Variants in B3GALT1 observed in about 807,000 individuals in gnomAD.
B3GALT1 encodes the protein beta-1,3-galactosyltransferase 1.
B3GALT1 carries 10 observed loss-of-function variants against 23.2 expected under a neutral mutation model. The observed-to-expected ratio is 0.43, with a 90% CI of 0.27 to 0.73. The LOEUF is 0.73. B3GALT1 is among the 30% of genes least tolerant of loss of function. B3GALT1 has a pLI of 0.21. For missense variants in B3GALT1, 299 were observed against 405.4 expected (o/e 0.74, Z 2.25); for synonymous variants, 156 against 141.5 (o/e 1.10, Z -0.73).
intron 4 of B3GALT1, among the ~76,000 whole-genome samples, chr2:167,855,993 A>G (rs931967768): frequency 3.3e-5 from 5 of 152,194 alleles, no homozygotes; most frequent in African/African-American, 9.6e-5. Context: ...ATGGAAAGTC[A>G]TCTCTAAAGG....
chr2:167,593,885 A>T (rs1251156456), intron 2 of B3GALT1, among the ~76,000 whole-genome samples: 4 of 152,188 alleles, frequency 2.6e-5, no homozygotes. Context: ...TATTGGACAT[A>T]TAAATTGAGG....
At chr2:167,802,930 C>G (rs1235543428) in intron 3 of B3GALT1, among the ~76,000 whole-genome samples, 1 of 151,868 alleles carries the variant, frequency 6.6e-6, no homozygotes, top group East Asian at 1.9e-4. Context: ...TTTTTTATCA[C>G]AAAGGTATAT....
chr2:167,787,222 G>A (rs975939265), intron 3 of B3GALT1, among the ~76,000 whole-genome samples: 1 of 152,306 alleles, frequency 6.6e-6, no homozygotes, highest in South Asian at 2.1e-4. Context: ...CTATGGACAA[G>A]TGACCTGACC....
At chr2:167,514,064 G>C (rs144346157) in intron 2 of B3GALT1, among the ~76,000 whole-genome samples, 2 of 151,784 alleles carry the variant, frequency 1.3e-5, no homozygotes, top group African/African-American at 2.4e-5. Flanking sequence ...CCACCACCAC[G>C]CCCAGCTAAT....
Position 167,561,682 on chromosome 2 carries a change from A to T in B3GALT1, c.-410+71405A>T, listed in dbSNP as rs569143712. ...ATCAGAGAATACTACAAACACCTCT[A>T]CGCAAATAAAGTAGAAAATCTAGAA... On this transcript the variant is annotated intron_variant, in intron 2 of 4. Transcript: ENST00000392690. Among the ~76,000 whole-genome samples, 20 of 152,368 alleles carry T rather than the reference A, an allele frequency of 1.3e-4. No homozygotes were observed. The South Asian group carries it at 1.9e-3, about 14-fold the overall frequency.
intron 1 of B3GALT1, among the ~76,000 whole-genome samples, chr2:167,457,064 CTA>C (rs1363350872): frequency 7.9e-5 from 12 of 152,138 alleles, no homozygotes; most frequent in Non-Finnish European, 1.2e-4. Context: ...GCAAAAGACA[CTA>C]TTATCACACC....
intron 2 of B3GALT1, among the ~76,000 whole-genome samples, chr2:167,622,481 A>G (rs1028987465): frequency 5.9e-5 from 9 of 152,094 alleles, no homozygotes; most frequent in Non-Finnish European, 1.0e-4. Flanking sequence ...GCCACCATCT[A>G]ATGACCGAAT....
chr2:167,293,845 CTT>C (rs896699825), intron 1 of B3GALT1, among the ~76,000 whole-genome samples: 6 of 151,096 alleles, frequency 4.0e-5, no homozygotes, highest in Non-Finnish European at 8.8e-5. Flanking sequence ...CAAAGTCCCA[CTT>C]TGCCCCGGGG....
At chr2:167,720,016 A>G (rs933310303) in intron 3 of B3GALT1, among the ~76,000 whole-genome samples, 1 of 152,126 alleles carries the variant, frequency 6.6e-6, no homozygotes, top group African/African-American at 2.4e-5. Context: ...GCACTTGAGC[A>G]AACTGAGTTG....
intron 2 of B3GALT1, among the ~76,000 whole-genome samples, chr2:167,553,646 AG>A: frequency 6.6e-6 from 1 of 152,296 alleles, no homozygotes; most frequent in Non-Finnish European, 1.5e-5. Context: ...TGGACCATAT[AG>A]GGGCTTAGAT....
intron 3 of B3GALT1, among the ~76,000 whole-genome samples, chr2:167,690,307 A>C (rs2105500598): frequency 6.6e-6 from 1 of 152,214 alleles, no homozygotes; most frequent in South Asian, 2.1e-4. Context: ...TGCTAAGCAT[A>C]ACTTAACATT....
At chr2:167,363,883 G>C (rs1697540872) in intron 1 of B3GALT1, among the ~76,000 whole-genome samples, 3 of 152,214 alleles carry the variant, frequency 2.0e-5, no homozygotes, top group Admixed American at 1.3e-4. Context: ...AACAGGCTGG[G>C]TGCAATGGCT....
chr2:167,625,940 G>A (rs1226739802), intron 2 of B3GALT1, among the ~76,000 whole-genome samples: 1 of 70,566 alleles, frequency 1.4e-5, no homozygotes, highest in Non-Finnish European at 2.7e-5. Flanking sequence ...CAATGACTAG[G>A]CCATATATAT....
In B3GALT1 at chr2:167,311,112, G is replaced by A. The variant is rs373008625; in HGVS notation, c.-511+17778G>A. Reference sequence around the variant, plus strand: ...CTCTTTAGATTTAAGTCCTACTATAGCATTTATCATTTTATTTGCCTTTTC... The same window carrying A: ...CTCTTTAGATTTAAGTCCTACTATAACATTTATCATTTTATTTGCCTTTTC... On this transcript the variant is annotated intron_variant, in intron 1 of 4. Coordinates refer to ENST00000392690, the MANE Select transcript of B3GALT1 (RefSeq NM_020981.4). Among the ~76,000 whole-genome samples, 13 of 152,118 alleles carry A rather than the reference G, an allele frequency of 8.5e-5. No individual in the cohort carries two copies. The East Asian group carries it at 2.5e-3, about 29-fold the overall frequency.
chr2:167,721,441 T>C (rs1687231303), intron 3 of B3GALT1, among the ~76,000 whole-genome samples: 1 of 152,090 alleles, frequency 6.6e-6, no homozygotes, highest in African/African-American at 2.4e-5. Flanking sequence ...AAACAGAAAA[T>C]AGCCATATAA....
rs367844597 is a variant in B3GALT1, at chr2:167,869,001, G to T, written c.-39G>T. 1 of 1,539,954 alleles carries T rather than the reference G, an allele frequency of 6.5e-7. No homozygotes were observed. The highest frequency in any genetic ancestry group is 2.3e-5 in the East Asian group (1 of 44,222). On this transcript the variant is annotated 5_prime_UTR_variant, in exon 5 of 5. Coordinates refer to ENST00000392690, the MANE Select transcript of B3GALT1 (RefSeq NM_020981.4). This position sits in a 1 kb window ranked among gnomAD's most constrained non-coding sequence, Gnocchi z 6.4. ...GAAAACAAACTAGTGCCAAGGAGGC[G>T]TATTCTTCAATATTTGGAATAGACG...
chr2:167,337,668 TGTTA>T (rs763005770), intron 1 of B3GALT1, among the ~76,000 whole-genome samples: 2 of 152,136 alleles, frequency 1.3e-5, no homozygotes, highest in African/African-American at 2.4e-5. Flanking sequence ...GAGACAGTGT[TGTTA>T]GTTGTGTAGT....
intron 2 of B3GALT1, among the ~76,000 whole-genome samples, chr2:167,512,957 A>G (rs907767095): frequency 2.7e-5 from 4 of 146,814 alleles, no homozygotes; most frequent in African/African-American, 5.0e-5. Flanking sequence ...TTTTATATTT[A>G]TATATTATTT....
intron 2 of B3GALT1, among the ~76,000 whole-genome samples, chr2:167,582,652 G>A (rs189542819): frequency 5.7e-4 from 86 of 152,116 alleles, no homozygotes; most frequent in Non-Finnish European, 1.1e-3. Context: ...GATGGGGCAC[G>A]GCTTAGGTGA....
Sources: allele counts gnomAD v4.1 joint callset (sites outside exome capture counted in the v4.1 genomes callset), GRCh38; gene constraint gnomAD v4.1.1; non-coding constraint Gnocchi (gnomAD v3.1); transcripts MANE v1.5; gene names NCBI Gene and HGNC (gene_info 2026-07-23, HGNC 2026-07-21).